Variants in ANK3 observed in about 807,000 individuals in gnomAD.
ANK3 encodes the protein ankyrin 3.
ANK3 carries 57 observed loss-of-function variants against 370.9 expected under a neutral mutation model. That is an observed-to-expected ratio of 0.15 (90% CI 0.12 to 0.19). ANK3 has a LOEUF of 0.19. Among genes scored for constraint, ANK3 ranks in the 10% least tolerant of loss-of-function variants. The pLI is 1.00. For missense variants in ANK3, 4,439 were observed against 5,302.1 expected (o/e 0.84, Z 5.06); for synonymous variants, 1,929 against 1,946.3 (o/e 0.99, Z 0.23).
intron 1 of ANK3, among the ~76,000 whole-genome samples, chr10:60,715,179 T>C (rs1467843215): frequency 6.6e-6 from 1 of 151,374 alleles, no homozygotes; most frequent in Admixed American, 6.6e-5. Flanking sequence ...TGTTTTAATT[T>C]GGTACAAATT....
At chr10:60,158,635 A>T (rs1324403405) in intron 23 of ANK3, among the ~76,000 whole-genome samples, 1 of 152,024 alleles carries the variant, frequency 6.6e-6, no homozygotes, top group African/African-American at 2.4e-5. Flanking sequence ...AGATATACAA[A>T]ATATTAAAAG....
At chr10:60,223,661 C>T (rs1170199014) in intron 8 of ANK3, among the ~76,000 whole-genome samples, 1 of 150,378 alleles carries the variant, frequency 6.6e-6, no homozygotes, top group Non-Finnish European at 1.5e-5. Flanking sequence ...CCTTGTTATC[C>T]TTTTTGTTTA....
At chr10:60,461,316 A>G (rs1489302624) in intron 2 of ANK3, among the ~76,000 whole-genome samples, 5 of 152,302 alleles carry the variant, frequency 3.3e-5, no homozygotes, top group African/African-American at 4.8e-5. Flanking sequence ...ACTACCAAAT[A>G]ATAATAATTA....
At chr10:60,559,522 AC>A (rs2077287171) in intron 2 of ANK3, among the ~76,000 whole-genome samples, 1 of 152,174 alleles carries the variant, frequency 6.6e-6, no homozygotes, top group Admixed American at 6.5e-5. Context: ...TCTAATCCTT[AC>A]ATTAAGGCTC....
intron 18 of ANK3, among the ~76,000 whole-genome samples, chr10:60,179,966 G>A (rs1433598038): frequency 2.0e-5 from 3 of 152,062 alleles, no homozygotes; most frequent in Non-Finnish European, 4.4e-5. Flanking sequence ...TCTATAAAAA[G>A]GAGAGAGAAC....
intron 30 of ANK3, 99 bp downstream of exon 30, chr10:60,086,578 G>A (rs1400255943): frequency 1.0e-6 from 1 of 986,330 alleles, no homozygotes; most frequent in East Asian, 2.6e-5. Context: ...TATAATGTTG[G>A]CATGGATATT....
intron 2 of ANK3, among the ~76,000 whole-genome samples, chr10:60,460,287 G>A (rs2133056124): frequency 6.6e-6 from 1 of 152,238 alleles, no homozygotes; most frequent in East Asian, 1.9e-4. Context: ...CAGATACAAT[G>A]ACTCAGCTGA....
chr10:60,187,268 G>T (rs1001044167), intron 16 of ANK3, among the ~76,000 whole-genome samples: 5 of 151,932 alleles, frequency 3.3e-5, no homozygotes, highest in Non-Finnish European at 5.9e-5. Context: ...CCATTCTCCT[G>T]CCTCAGCCTC....
chr10:60,084,899 A>T (rs2086273894), intron 31 of ANK3, 69 bp from the exon 32 acceptor site: 1 of 1,189,948 alleles, frequency 8.4e-7, no homozygotes, highest in Admixed American at 2.7e-5. Context: ...AAAGACTCAC[A>T]ATTAAAAAAA....
chr10:60,454,565 C>G (rs2064697459), intron 2 of ANK3, among the ~76,000 whole-genome samples: 1 of 152,058 alleles, frequency 6.6e-6, no homozygotes, highest in South Asian at 2.1e-4. Context: ...ACAGGATGCC[C>G]CCTGCCAAAG....
intron 32 of ANK3, chr10:60,084,289 C>T (rs61845770): frequency 0.016 from 2,526 of 157,370 alleles, 34 homozygotes; most frequent in Non-Finnish European, 0.023. Flanking sequence ...GCCTGTAATC[C>T]GAGCTACTTG....
chr10:60,402,597 T>A (rs542072540), intron 2 of ANK3, among the ~76,000 whole-genome samples: 3 of 152,324 alleles, frequency 2.0e-5, no homozygotes, highest in African/African-American at 7.2e-5. Context: ...GGCAATATAA[T>A]GTATAAAAAA....
At chr10:60,117,140 A>G (rs1423536265) in intron 25 of ANK3, among the ~76,000 whole-genome samples, 1 of 152,226 alleles carries the variant, frequency 6.6e-6, no homozygotes, top group Admixed American at 6.5e-5. Context: ...ATTTTCAGAT[A>G]TATAACACCT....
At chr10:60,392,789 C>T (rs2063139907), upstream of ANK3, among the ~76,000 whole-genome samples, 1 of 151,846 alleles carries the variant, frequency 6.6e-6, no homozygotes, top group African/African-American at 2.4e-5. Context: ...ATTAGCTGGG[C>T]GTGTTGGTGT....
intron 2 of ANK3, among the ~76,000 whole-genome samples, chr10:60,447,417 C>T (rs2064478400): frequency 6.6e-6 from 1 of 152,078 alleles, no homozygotes; most frequent in South Asian, 2.1e-4. Flanking sequence ...CAAAAGCTTA[C>T]TTATTGAAGG....
At position 60,074,137 on chromosome 10, in the gene ANK3, T is replaced by C. The variant is rs753237367; in HGVS notation, c.6744A>G (p.Thr2248=). 3.1e-6 allele frequency: 5 copies of C among 1,613,816 alleles called. No individual in the cohort carries two copies. The highest frequency in any genetic ancestry group is 4.2e-6 in the Non-Finnish European group (5 of 1,179,914). Residue 2248 remains threonine, a synonymous_variant, in exon 37 of 44, where the codon ACA becomes ACG. Transcript: ENST00000280772. ...GAGAATGATAAACCATTCTGGTGGT[T>C]GTGGTTATGTGAGTCTCTTCTTTAA... ...MRVKEETHIT[T]TTRMVYHSPP...
intron 42 of ANK3, chr10:60,044,129 G>C: frequency 1.0e-6 from 1 of 985,588 alleles, no homozygotes; most frequent in Non-Finnish European, 1.2e-6. Flanking sequence ...TACTTTCCGA[G>C]TGATCTGTAG....
At chr10:60,105,132 G>A (rs1456669992) in intron 28 of ANK3, among the ~76,000 whole-genome samples, 1 of 152,072 alleles carries the variant, frequency 6.6e-6, no homozygotes, top group East Asian at 1.9e-4. Context: ...GAGTGATTAG[G>A]AAGTGAGTAT....
intron 1 of ANK3, among the ~76,000 whole-genome samples, chr10:60,331,407 T>C (rs909650788): frequency 6.6e-6 from 1 of 151,908 alleles, no homozygotes; most frequent in Non-Finnish European, 1.5e-5. Flanking sequence ...AAACAGAAGA[T>C]TGGAAAAAAA....
Sources: allele counts gnomAD v4.1 joint callset (sites outside exome capture counted in the v4.1 genomes callset), GRCh38; gene constraint gnomAD v4.1.1; transcripts MANE v1.5; gene names NCBI Gene and HGNC (gene_info 2026-07-23, HGNC 2026-07-21).